KRT39: variants seen among roughly 807,000 people sequenced by gnomAD.
KRT39 encodes keratin, type I cytoskeletal 39.
KRT39 carries 47 observed loss-of-function variants against 54.8 expected under a neutral mutation model. The observed-to-expected ratio is 0.86, with a 90% CI of 0.68 to 1.09. The LOEUF (loss-of-function observed/expected upper bound fraction) is 1.09, where lower values mean the gene tolerates loss of function less well. Ranked by LOEUF, KRT39 falls within the 50% of genes least tolerant of loss-of-function variation. The pLI is 0.00. For missense variants in KRT39, 580 were observed against 598.5 expected, an observed-to-expected ratio of 0.97 and a Z score of 0.32; for synonymous variants, 207 against 227.9, an observed-to-expected ratio of 0.91 and a Z score of 0.83.
intron 2 of KRT39, 83 bp from the exon 3 acceptor site, chr17:40,963,866 G>C (rs1190344548): frequency 9.1e-7 from 1 of 1,096,634 alleles, no homozygotes; most frequent in African/African-American, 1.5e-5. Flanking sequence ...TCTGCATTTT[G>C]CTCTGGGCAC....
In KRT39 at chr17:40,960,355, G is replaced by A. The variant is rs1911094561; in HGVS notation, c.1143C>T (p.Ile381=). 6.2e-7 allele frequency: 1 copy of A among 1,613,950 alleles called. No individual in the cohort carries two copies. The highest frequency in any genetic ancestry group is 1.3e-5 in the African/African-American group (1 of 74,876). Residue 381 remains isoleucine, a synonymous_variant, in exon 6 of 7, where the codon ATC becomes ATT. Transcript: ENST00000355612. ...CCAGCCGGGACTTGACGTCCAGCAG[G>A]ATCTCGTATTCTTGGTTCTGTCTTT... is the stretch of plus-strand genomic sequence containing the variant. ...ALERQNQEYE[I]LLDVKSRLEC...
intron 5 of KRT39, among the ~76,000 whole-genome samples, chr17:40,960,935 G>T (rs962349965): frequency 6.6e-6 from 1 of 152,154 alleles, no homozygotes; most frequent in Non-Finnish European, 1.5e-5. Context: ...TTCAAGACCA[G>T]CCTGGCCAAG....
intron 2 of KRT39, 41 bp from the exon 3 acceptor site, chr17:40,963,824 G>A (rs757167267): frequency 1.3e-6 from 2 of 1,522,414 alleles, no homozygotes; most frequent in Non-Finnish European, 1.8e-6. Flanking sequence ...TCTGAAAGGA[G>A]ATGATGCAAA....
intron 1 of KRT39, 134 bp from the exon 2 acceptor site, chr17:40,964,662 T>C (rs897482106): frequency 4.9e-6 from 3 of 617,016 alleles, no homozygotes; most frequent in Non-Finnish European, 8.8e-6. Context: ...ATAGCTATGC[T>C]CACAAAGCTT....
Position 40,958,545 on chromosome 17 carries a change from G to T in KRT39, c.*56C>A. On this transcript the variant is annotated 3_prime_UTR_variant, in exon 7 of 7. Transcript: ENST00000355612. The stretch of plus-strand genomic sequence containing the variant: ...GAGTTTTCTTAAACCTCTCTGGCAG[G>T]AGCATGTATTGGCCTCTGTTTCATA... 2.0e-6 allele frequency: 3 copies of T among 1,537,048 alleles called. No homozygotes were observed. In the South Asian group the frequency reaches 3.9e-5, roughly 20 times the overall value.
chr17:40,958,815 C>A lies in KRT39; in HGVS notation c.1262G>T (p.Trp421Leu). 1 of 1,612,108 alleles carries A rather than the reference C, an allele frequency of 6.2e-7. No individual in the cohort carries two copies. Among genetic ancestry groups the A allele is most frequent in the South Asian group, 1.1e-5 (1 of 90,734 alleles). ...PRATKCEPSP[W>L]TSCKSGAIES... ...TATGGCTCCGGACTTACAAGATGTC[C>A]AAGGGGAAGGCTCACATTTGGTGGC... Residue 421 changes from tryptophan to leucine, a missense_variant, in exon 7 of 7, where the codon TGG becomes TTG. Physicochemically the swap from Trp to Leu is moderately conservative, Grantham distance 61 (BLOSUM62 -2). Transcript: ENST00000355612.
At chr17:40,965,314 T>A (rs1441663000) in intron 1 of KRT39, among the ~76,000 whole-genome samples, 1 of 150,982 alleles carries the variant, frequency 6.6e-6, no homozygotes, top group Non-Finnish European at 1.5e-5. Context: ...AGCTGGAGGT[T>A]GCAGTGAGCA....
At position 40,962,354 on chromosome 17, in the gene KRT39, A is replaced by G. The variant is rs375964584; in HGVS notation, c.870+48T>C. The G allele has an allele frequency of 9.1e-4, 1,467 of 1,612,090 alleles. 4 individuals are homozygous for G. The highest frequency in any genetic ancestry group is 1.2e-3 in the Non-Finnish European group (1,363 of 1,178,650). On this transcript the variant is annotated intron_variant, in intron 4 of 6. Transcript: ENST00000355612. ...AACATGACTTTGATTAAAGGGCCCT[A>G]GAAATGCAGCATCAGCTTATTGTTT...
At chr17:40,959,071 C>T (rs919305964) in intron 6 of KRT39, among the ~76,000 whole-genome samples, 4 of 152,100 alleles carry the variant, frequency 2.6e-5, no homozygotes, top group Non-Finnish European at 4.4e-5. Context: ...TAGAAGTATT[C>T]GATTATGTAA....
At position 40,966,924 on chromosome 17, in the gene KRT39, A is replaced by T; in HGVS notation, c.-68T>A. The T allele has an allele frequency of 9.0e-7, 1 of 1,111,902 alleles. No homozygotes were observed. The highest frequency in any genetic ancestry group is 1.4e-6 in the Non-Finnish European group (1 of 739,908). 68.9% of individuals were successfully genotyped at this position (1,111,902 alleles called of 1,614,324 possible). ...AGGATGAAAAGCTCAAGCCACCTCCACAGAGTCTGAATTCCAAGGCTCTTG... is the reference window on the plus strand; with the variant it reads ...AGGATGAAAAGCTCAAGCCACCTCCTCAGAGTCTGAATTCCAAGGCTCTTG... On this transcript the variant is annotated 5_prime_UTR_variant, in exon 1 of 7. Coordinates refer to ENST00000355612, the MANE Select transcript of KRT39 (RefSeq NM_213656.4).
chr17:40,963,546 C>T, intron 3 of KRT39, 81 bp downstream of exon 3: 1 of 1,361,886 alleles, frequency 7.3e-7, no homozygotes, highest in South Asian at 1.5e-5. Flanking sequence ...GCGGGCACAC[C>T]CTTTGTCAGG....
chr17:40,966,541 G>T lies in KRT39; in HGVS notation c.316C>A (p.Arg106Ser). 3 of 1,614,124 alleles carry T rather than the reference G, an allele frequency of 1.9e-6. No homozygotes were observed. Among genetic ancestry groups the T allele is most frequent in the Non-Finnish European group, 2.5e-6 (3 of 1,180,020 alleles). ...EKETMQILNE[R>S]LANYLQKVRM... ...ACCTTTTGCAGGTAGTTAGCAAGGC[G>T]CTCGTTCAAGATTTGCATGGTCTCC... The change falls in exon 1 of 7, where the codon CGC (arginine) becomes AGC (serine). Residue 106 changes from arginine to serine, a missense_variant. Physicochemically the swap from Arg to Ser is moderately radical, Grantham distance 110. Coordinates refer to ENST00000355612, the MANE Select transcript of KRT39 (RefSeq NM_213656.4).
chr17:40,964,352 G>A (rs571645886), intron 2 of KRT39, 94 bp downstream of exon 2: 3 of 970,110 alleles, frequency 3.1e-6, no homozygotes, highest in East Asian at 2.4e-5. Context: ...TCTGGGGCAA[G>A]AGGGTTAGTA....
At chr17:40,961,780 G>A (rs2143615405) in intron 5 of KRT39, among the ~76,000 whole-genome samples, 1 of 152,262 alleles carries the variant, frequency 6.6e-6, no homozygotes, top group Middle Eastern at 3.4e-3. Context: ...TTGTAAAAAT[G>A]CTTTGCATAT....
chr17:40,966,494 A>G lies in KRT39; in HGVS notation c.363T>C (p.Asn121=), dbSNP rs778384716. 6.2e-7 allele frequency: 1 copy of G among 1,614,148 alleles called. No individual in the cohort carries two copies. Among genetic ancestry groups the G allele is most frequent in the South Asian group, 1.1e-5 (1 of 91,070 alleles). The change falls in exon 1 of 7, where the codon AAT becomes AAC. Residue 121 remains asparagine (N), a synonymous_variant. Transcript: ENST00000355612. ...LQKVRMLERE[N]AELESKIQEE... ...CCTGGATTTTAGATTCCAGTTCAGCATTCTCTCGTTCTAGCATTCGCACCT... is the reference window on the plus strand; with the variant it reads ...CCTGGATTTTAGATTCCAGTTCAGCGTTCTCTCGTTCTAGCATTCGCACCT...
intron 5 of KRT39, 123 bp downstream of exon 5, chr17:40,962,039 A>G: frequency 1.5e-6 from 2 of 1,335,638 alleles, no homozygotes; most frequent in South Asian, 2.9e-5. Flanking sequence ...TTTCAGCCAT[A>G]GACGCTTTAA....
At position 40,966,547 on chromosome 17, in the gene KRT39, T is replaced by C; in HGVS notation, c.310A>G (p.Asn104Asp). 1 of 1,614,208 alleles carries C rather than the reference T, an allele frequency of 6.2e-7. No homozygotes were observed. The highest frequency in any genetic ancestry group is 8.5e-7 in the Non-Finnish European group (1 of 1,180,034). The change falls in exon 1 of 7, where the codon AAC becomes GAC. Residue 104 changes from asparagine (N) to aspartate (D), a missense_variant. Transcript: ENST00000355612. ...SNEKETMQILNERLANYLQKV... is the reference protein window; with the variant it reads ...SNEKETMQILDERLANYLQKV... ...TGCAGGTAGTTAGCAAGGCGCTCGTTCAAGATTTGCATGGTCTCCTTCTCA... is the reference window on the plus strand; with the variant it reads ...TGCAGGTAGTTAGCAAGGCGCTCGTCCAAGATTTGCATGGTCTCCTTCTCA...
At chr17:40,960,123 T>C (rs924341499) in intron 6 of KRT39, among the ~76,000 whole-genome samples, 158 bp downstream of exon 6, 2 of 152,356 alleles carry the variant, frequency 1.3e-5, no homozygotes, top group Admixed American at 6.5e-5. Flanking sequence ...GTCTTCCTCA[T>C]GGCACAGCTT....
In KRT39 at chr17:40,964,107, G is replaced by A. The variant is rs372474269; in HGVS notation, c.552-324C>T. 21 of 421,832 alleles carry A rather than the reference G, an allele frequency of 5.0e-5. 1 individual carries two copies. The highest frequency in any genetic ancestry group is 1.2e-4 in the African/African-American group (6 of 50,134). 26.1% of individuals were successfully genotyped at this position (421,832 alleles called of 1,614,324 possible). A position where few individuals can be genotyped will look rare whatever the true frequency, so the allele number is the denominator to read the frequency against. ...AAACATGTGTCCAAGTTTCGGTTTT[G>A]ACTTGTGCTAGTTATGCTTACCTTT... On this transcript the variant is annotated intron_variant, in intron 2 of 6. Transcript: ENST00000355612.
Sources: allele counts gnomAD v4.1 joint callset (sites outside exome capture counted in the v4.1 genomes callset), GRCh38; gene constraint gnomAD v4.1.1; transcripts MANE v1.5; gene names NCBI Gene and HGNC (gene_info 2026-07-23, HGNC 2026-07-21).